Variants in TBC1D7 observed in about 807,000 individuals in gnomAD.
The protein encoded by TBC1D7 is TBC domain family 7.
Under a neutral mutation model 35.3 loss-of-function variants are expected in TBC1D7, and 33 were observed. That is an observed-to-expected ratio of 0.93 (90% CI 0.71 to 1.25). The LOEUF (loss-of-function observed/expected upper bound fraction) is 1.25, where lower values mean the gene tolerates loss of function less well. Among genes scored for constraint, TBC1D7 ranks in the 50% most tolerant of loss-of-function variants. The pLI is 0.00. For missense variants in TBC1D7, 362 were observed against 365.3 expected (o/e 0.99, Z 0.07); for synonymous variants, 135 against 129.5 (o/e 1.04, Z -0.29).
At chr6:13,322,294 T>A (rs911329684) in intron 3 of TBC1D7, among the ~76,000 whole-genome samples, 2 of 152,100 alleles carry the variant, frequency 1.3e-5, no homozygotes, top group African/African-American at 4.8e-5. Flanking sequence ...AAAAACATTT[T>A]ATTTACTCAA....
In TBC1D7 at chr6:13,321,057, T is replaced by C. The variant is rs1466317535; in HGVS notation, c.232A>G (p.Met78Val). 1 of 1,614,034 alleles carries C rather than the reference T, an allele frequency of 6.2e-7. No individual in the cohort carries two copies. The highest frequency in any genetic ancestry group is 1.7e-5 in the Admixed American group (1 of 60,016). The change falls in exon 4 of 8, where the codon ATG becomes GTG. Residue 78 changes from methionine to valine, a missense_variant. Met to Val is a conservative substitution (Grantham distance 21). Coordinates refer to ENST00000379300, the MANE Select transcript of TBC1D7 (RefSeq NM_016495.6). ...PPHHESHAKV[M>V]MYRKEQYLDV... is the part of the protein sequence containing the mutation. ...AAGTACTGCTCCTTACGATACATCA[T>C]CACCTTGGCATGGGACTCGTGGTGT...
chr6:13,310,546 G>A (rs1189584468), intron 5 of TBC1D7, among the ~76,000 whole-genome samples: 1 of 151,492 alleles, frequency 6.6e-6, no homozygotes, highest in Non-Finnish European at 1.5e-5. Context: ...GCTGAGGCAG[G>A]AGAATCACTT....
intron 5 of TBC1D7, among the ~76,000 whole-genome samples, chr6:13,311,164 G>A (rs1225985553): frequency 6.6e-6 from 1 of 152,162 alleles, no homozygotes; most frequent in Non-Finnish European, 1.5e-5. Context: ...CTCTTTAGCA[G>A]AGCTTTAAAA....
chr6:13,316,613 C>T lies in TBC1D7; in HGVS notation c.477G>A (p.Val159=). Reference sequence around the variant, plus strand: ...CCCGGTACTTGGTATTTAATTGGTTCACAAAGCGTCGGGTGATCCAGTAAC... The same window carrying T: ...CCCGGTACTTGGTATTTAATTGGTTTACAAAGCGTCGGGTGATCCAGTAAC... ...VDCYWITRRF[V]NQLNTKYRDS... is the part of the protein sequence containing the mutation. Residue 159 remains valine (V), a synonymous_variant, in exon 5 of 8, where the codon GTG becomes GTA. Coordinates refer to ENST00000379300, the MANE Select transcript of TBC1D7 (RefSeq NM_016495.6). 1 of 1,613,678 alleles carries T rather than the reference C, an allele frequency of 6.2e-7. No individual in the cohort carries two copies.
chr6:13,322,693 T>A (rs990193207), intron 3 of TBC1D7, among the ~76,000 whole-genome samples: 3 of 152,190 alleles, frequency 2.0e-5, no homozygotes, highest in African/African-American at 7.2e-5. Flanking sequence ...AAAACTTGCT[T>A]AAATGTTCTT....
chr6:13,320,474 T>C (rs879594772), intron 4 of TBC1D7: 1 of 442,168 alleles, frequency 2.3e-6, no homozygotes, highest in Non-Finnish European at 4.0e-6. Flanking sequence ...AAAATGTGTT[T>C]AAAAAAATAC....
At chr6:13,322,337 TAC>T (rs1784103278) in intron 3 of TBC1D7, among the ~76,000 whole-genome samples, 1 of 152,162 alleles carries the variant, frequency 6.6e-6, no homozygotes, top group Non-Finnish European at 1.5e-5. Flanking sequence ...TCTACAGAAG[TAC>T]AGACTCTGGA....
At position 13,306,535 on chromosome 6, in the gene TBC1D7, A is replaced by G; in HGVS notation, c.666-8T>C. 1 of 1,574,616 alleles carries G rather than the reference A, an allele frequency of 6.4e-7. No homozygotes were observed. Among genetic ancestry groups the G allele is most frequent in the African/African-American group, 1.4e-5 (1 of 72,958 alleles). On this transcript the variant is annotated splice_region_variant and splice_polypyrimidine_tract_variant and intron_variant, in intron 6 of 7. Coordinates refer to ENST00000379300, the MANE Select transcript of TBC1D7 (RefSeq NM_016495.6). ...ACAACTTTATCCCAAACCCTACAAA[A>G]ATAAGGAGATATAATCAAATTATAT...
Position 13,316,798 on chromosome 6 carries a change from AT to A in TBC1D7, c.382-91del, listed in dbSNP as rs2127534206. On this transcript the variant is annotated intron_variant, in intron 4 of 7. Coordinates refer to ENST00000379300, the MANE Select transcript of TBC1D7 (RefSeq NM_016495.6). ...TAAAAAATGAAACCTTGCTCCCTAA[AT>A]TTTGAAAAGGCTACATTAATAAATC... 14 of 1,488,588 alleles carry A rather than the reference AT, an allele frequency of 9.4e-6. No individual in the cohort carries two copies. The South Asian group carries it at 1.5e-4, about 16-fold the overall frequency. The allele number at this position is 1,488,588 out of a possible 1,614,324, so 92.2% of individuals were successfully genotyped here. A position where few individuals can be genotyped will look rare whatever the true frequency, so the allele number is the denominator to read the frequency against.
intron 7 of TBC1D7, 52 bp from the exon 8 acceptor site, chr6:13,305,239 T>C (rs1433719932): frequency 1.3e-6 from 2 of 1,534,094 alleles, no homozygotes; most frequent in Non-Finnish European, 1.8e-6. Context: ...ACAACTTCAG[T>C]GTCTTCCCTC....
rs186295867 is a variant in TBC1D7, at chr6:13,325,248, T to C, written c.113-74A>G. ...GTATGTCAAGGCACATTTCATTTTT[T>C]AAAACTCAAAGAATAGTTAAGACAT... On this transcript the variant is annotated intron_variant, in intron 2 of 7. Coordinates refer to ENST00000379300, the MANE Select transcript of TBC1D7 (RefSeq NM_016495.6). 1,878 of 1,129,398 alleles carry C rather than the reference T, an allele frequency of 1.7e-3. 2 individuals are homozygous for C. Among genetic ancestry groups the C allele is most frequent in the Middle Eastern group, 4.0e-3 (20 of 5,060 alleles). 70.0% of individuals were successfully genotyped at this position (1,129,398 alleles called of 1,614,324 possible).
intron 7 of TBC1D7, chr6:13,305,698 A>G: frequency 5.6e-6 from 1 of 178,696 alleles, no homozygotes; most frequent in Non-Finnish European, 1.2e-5. Context: ...TTCAGGCATA[A>G]GTCTCTTTAA....
intron 5 of TBC1D7, among the ~76,000 whole-genome samples, chr6:13,311,644 C>T (rs1783218893): frequency 6.6e-6 from 1 of 152,150 alleles, no homozygotes; most frequent in Admixed American, 6.6e-5. Flanking sequence ...CTACTTAAAA[C>T]TACTTGCTAG....
intron 5 of TBC1D7, 130 bp downstream of exon 5, chr6:13,316,441 A>C: frequency 1.0e-6 from 1 of 992,924 alleles, no homozygotes; most frequent in East Asian, 2.4e-5. Context: ...TTTTACAGAA[A>C]ACGCTTGCTG....
Position 13,306,400 on chromosome 6 carries a change from T to G in TBC1D7, c.793A>C (p.Asn265His). The change falls in exon 7 of 8, where the codon AAT (asparagine) becomes CAT (histidine). Residue 265 changes from asparagine (N) to histidine (H), a missense_variant and splice_region_variant. Asn to His is a moderately conservative substitution (Grantham distance 68, BLOSUM62 1). Transcript: ENST00000379300. The stretch of plus-strand genomic sequence containing the variant: ...AAATCAAATCAAAGCACACTTACAT[T>G]TTCCAGAAACTTTGTTATCTTCTCT... The part of the protein sequence containing the change: ...SAEKITKFLE[N>H]IPQDSSDAIV... 3.8e-6 allele frequency: 6 copies of G among 1,582,108 alleles called. No individual in the cohort carries two copies. The highest frequency in any genetic ancestry group is 5.1e-6 in the Non-Finnish European group (6 of 1,171,264).
chr6:13,309,728 T>C (rs2127524767), intron 5 of TBC1D7, among the ~76,000 whole-genome samples: 1 of 152,326 alleles, frequency 6.6e-6, no homozygotes, highest in Non-Finnish European at 1.5e-5. Context: ...TTCTCTTTCT[T>C]TTATTAGTTG....
chr6:13,326,964 C>A, intron 1 of TBC1D7, 58 bp from the exon 2 acceptor site: 2 of 975,684 alleles, frequency 2.0e-6, no homozygotes, highest in South Asian at 1.5e-5. Flanking sequence ...AAAAGTGAGT[C>A]TAGAAACAAA....
chr6:13,319,483 A>G (rs893912589), intron 4 of TBC1D7: 5 of 151,736 alleles, frequency 3.3e-5, no homozygotes, highest in African/African-American at 1.2e-4. Context: ...AAAAAAAAAA[A>G]AAAAAGAACT....
At chr6:13,321,456 T>C (rs979114610) in intron 3 of TBC1D7, among the ~76,000 whole-genome samples, 8 of 152,220 alleles carry the variant, frequency 5.3e-5, no homozygotes, top group African/African-American at 1.9e-4. Context: ...CCTAGAGGTC[T>C]CACCCTAGTC....
Sources: allele counts gnomAD v4.1 joint callset (sites outside exome capture counted in the v4.1 genomes callset), GRCh38; gene constraint gnomAD v4.1.1; transcripts MANE v1.5; gene names NCBI Gene and HGNC (gene_info 2026-07-23, HGNC 2026-07-21).